The following DEPDC4 variants were observed in gnomAD, a reference collection of about 807,000 sequenced individuals.
The protein encoded by DEPDC4 is DEP domain-containing protein 4.
DEPDC4 carries 52 observed loss-of-function variants against 52.0 expected under a neutral mutation model. The ratio of observed to expected loss-of-function variants is 1.00; its 90% CI spans 0.80 to 1.26. DEPDC4 has a LOEUF of 1.26. DEPDC4 is among the 50% of genes most tolerant of loss of function. The pLI is 0.00. For synonymous variants in DEPDC4, 201 were observed against 196.8 expected, an observed-to-expected ratio of 1.02 and a Z score of -0.18; for missense variants, 530 against 546.9, an observed-to-expected ratio of 0.97 and a Z score of 0.31.
At position 100,263,540 on chromosome 12, in the gene DEPDC4, T is replaced by C; in HGVS notation, c.511A>G (p.Lys171Glu). The change falls in exon 2 of 10, where the codon AAA becomes GAA. Residue 171 changes from lysine to glutamate, a missense_variant. Physicochemically the swap from Lys to Glu is moderately conservative, Grantham distance 56. Transcript: ENST00000550587. Reference sequence around the variant, plus strand: ...TCATTCTCAGCATCCTTTTGTCTTTTGCAACAATCGTAAGATGATTTATTG... The same window carrying C: ...TCATTCTCAGCATCCTTTTGTCTTTCGCAACAATCGTAAGATGATTTATTG... ...LGNKSSYDCC[K>E]RQKDAENEFN... is the part of the protein sequence containing the mutation. 8 of 1,604,828 alleles carry C rather than the reference T, an allele frequency of 5.0e-6. No individual in the cohort carries two copies. Among genetic ancestry groups the C allele is most frequent in the Non-Finnish European group, 6.8e-6 (8 of 1,176,416 alleles).
chr12:100,250,205 A>C (rs920752696), intron 7 of DEPDC4, among the ~76,000 whole-genome samples: 1 of 152,054 alleles, frequency 6.6e-6, no homozygotes, highest in Non-Finnish European at 1.5e-5. Flanking sequence ...GCCTGGTACA[A>C]AATTTGAACC....
chr12:100,277,350 A>G, the DEPDC4 span, among the ~76,000 whole-genome samples: 1 of 152,176 alleles, frequency 6.6e-6, no homozygotes, highest in Non-Finnish European at 1.5e-5. Flanking sequence ...ACTAAGTGAG[A>G]ACTCTTGAAG....
At chr12:100,271,160 A>G (rs1280515604), upstream of DEPDC4, among the ~76,000 whole-genome samples, 5 of 151,256 alleles carry the variant, frequency 3.3e-5, no homozygotes, top group African/African-American at 9.7e-5. Flanking sequence ...AAAAACTTCT[A>G]GTAATCTCTG....
the DEPDC4 span, among the ~76,000 whole-genome samples, chr12:100,272,657 T>C: frequency 6.6e-6 from 1 of 152,210 alleles, no homozygotes; most frequent in East Asian, 1.9e-4. Context: ...AACTGGCTTC[T>C]ATATGTCGTT....
At chr12:100,250,460 T>C (rs536697303) in intron 7 of DEPDC4, among the ~76,000 whole-genome samples, 1 of 152,270 alleles carries the variant, frequency 6.6e-6, no homozygotes, top group Non-Finnish European at 1.5e-5. Context: ...CTTCCAGTGA[T>C]CCACCTGCCT....
intron 3 of DEPDC4, among the ~76,000 whole-genome samples, chr12:100,260,167 C>A (rs1322624889): frequency 6.6e-6 from 1 of 151,934 alleles, no homozygotes; most frequent in Non-Finnish European, 1.5e-5. Context: ...GTTGCCCAGG[C>A]TGCAGTGCAA....
At chr12:100,262,059 T>C (rs1343377508) in intron 3 of DEPDC4, among the ~76,000 whole-genome samples, 2 of 152,212 alleles carry the variant, frequency 1.3e-5, no homozygotes, top group Non-Finnish European at 2.9e-5. Context: ...TGTATCAATG[T>C]AGATTCATTG....
chr12:100,255,986 C>T (rs796880352), intron 4 of DEPDC4, 63 bp downstream of exon 4: 178 of 1,255,454 alleles, frequency 1.4e-4, no homozygotes, highest in Middle Eastern at 1.3e-3. Flanking sequence ...TCCTAAAATA[C>T]TAAGGGCAAA....
At chr12:100,237,998 T>C (rs1204208653), downstream of DEPDC4, 1 of 904,814 alleles carries the variant, frequency 1.1e-6, no homozygotes, top group Non-Finnish European at 1.3e-6. Flanking sequence ...AAATGGCAAC[T>C]TTCCAAATAA....
At chr12:100,263,349 A>G (rs962177864) in intron 2 of DEPDC4, 148 bp downstream of exon 2, 1 of 623,560 alleles carries the variant, frequency 1.6e-6, no homozygotes, top group African/African-American at 1.9e-5. Flanking sequence ...TTCCAGTTTT[A>G]GAGGAAATGC....
chr12:100,257,165 A>T (rs1015138357), intron 3 of DEPDC4, among the ~76,000 whole-genome samples: 1 of 148,428 alleles, frequency 6.7e-6, no homozygotes, highest in Non-Finnish European at 1.5e-5. Context: ...TGCAACTTCC[A>T]TCTCCCCGCT....
chr12:100,252,446 A>G lies in DEPDC4; in HGVS notation c.1196T>C (p.Leu399Pro), dbSNP rs768146585. 43 of 1,603,006 alleles carry G rather than the reference A, an allele frequency of 2.7e-5. No individual in the cohort carries two copies. In the South Asian group the frequency reaches 4.3e-4, roughly 16 times the overall value. ...LNIREELRRLLTFMAMASEPN... is the reference protein window; with the variant it reads ...LNIREELRRLPTFMAMASEPN... ...CTCTGATGCCATTGCCATAAAAGTA[A>G]GTAGCCGTCGTAATTCTTCTCTAAT... Residue 399 changes from leucine (L) to proline (P), a missense_variant, in exon 6 of 10, where the codon CTT becomes CCT. Transcript: ENST00000550587.
intron 9 of DEPDC4, among the ~76,000 whole-genome samples, chr12:100,232,148 C>G (rs1014671529): frequency 6.6e-6 from 1 of 151,602 alleles, no homozygotes; most frequent in Non-Finnish European, 1.5e-5. Context: ...TCCCAGCACT[C>G]TGGGAGGCCA....
chr12:100,242,205 G>T (rs187436791), intron 9 of DEPDC4, among the ~76,000 whole-genome samples: 69 of 152,018 alleles, frequency 4.5e-4, no homozygotes, highest in African/African-American at 1.5e-3. Context: ...TCTGTGAGCT[G>T]TCTTAGCATG....
Position 100,266,961 on chromosome 12 carries a change from G to C in DEPDC4, c.116C>G (p.Ser39Cys), listed in dbSNP as rs754810754. ...LPGPGLNGPSSRNRRDGFCRK... is the reference protein window; with the variant it reads ...LPGPGLNGPSCRNRRDGFCRK... ...GCAGAAGCCATCTCTACGGTTCCTGGAACTTGGCCCGTTCAGCCCTGGGCC... is the reference window on the plus strand; with the variant it reads ...GCAGAAGCCATCTCTACGGTTCCTGCAACTTGGCCCGTTCAGCCCTGGGCC... The change falls in exon 1 of 10, where the codon TCC (serine) becomes TGC (cysteine). Residue 39 changes from serine (S) to cysteine (C), a missense_variant. By Grantham distance (112) the Ser-to-Cys change is moderately radical (BLOSUM62 -1). Coordinates refer to ENST00000550587, the MANE Select transcript of DEPDC4 (RefSeq NM_001364818.2). 1.2e-6 allele frequency: 2 copies of C among 1,613,934 alleles called. No homozygotes were observed. The highest frequency in any genetic ancestry group is 1.7e-5 in the Admixed American group (1 of 59,970).
At chr12:100,249,820 G>A (rs2096200408) in intron 7 of DEPDC4, among the ~76,000 whole-genome samples, 1 of 152,160 alleles carries the variant, frequency 6.6e-6, no homozygotes, top group Admixed American at 6.5e-5. Context: ...TGATGAATGA[G>A]TAGATCAAGT....
chr12:100,236,181 G>A (rs1261867667), downstream of DEPDC4, among the ~76,000 whole-genome samples: 1 of 152,142 alleles, frequency 6.6e-6, no homozygotes, highest in Non-Finnish European at 1.5e-5. Context: ...TTGGTATAAT[G>A]ACTTCTTTTC....
the DEPDC4 span, among the ~76,000 whole-genome samples, chr12:100,272,945 T>C: frequency 6.6e-6 from 1 of 152,178 alleles, no homozygotes; most frequent in African/African-American, 2.4e-5. Context: ...TTACCCACCA[T>C]CTCTTCTCTA....
chr12:100,275,119 T>A, the DEPDC4 span, among the ~76,000 whole-genome samples: 1 of 152,224 alleles, frequency 6.6e-6, no homozygotes, highest in Non-Finnish European at 1.5e-5. Context: ...CTTGTTAAAT[T>A]TATTCATAGG....
Sources: allele counts gnomAD v4.1 joint callset (sites outside exome capture counted in the v4.1 genomes callset), GRCh38; gene constraint gnomAD v4.1.1; transcripts MANE v1.5; gene names NCBI Gene and HGNC (gene_info 2026-07-23, HGNC 2026-07-21).